ARL8B: variants seen among roughly 807,000 people sequenced by gnomAD.
ARL8B encodes the protein ADP-ribosylation factor-like protein 8B.
Under a neutral mutation model 30.6 loss-of-function variants are expected in ARL8B, and 9 were observed. The ratio of observed to expected loss-of-function variants is 0.29; its 90% CI spans 0.18 to 0.51. The LOEUF (loss-of-function observed/expected upper bound fraction) is 0.51, where lower values mean the gene tolerates loss of function less well. Ranked by LOEUF, ARL8B falls within the 20% of genes least tolerant of loss-of-function variation. ARL8B has a pLI of 0.97. For synonymous variants in ARL8B, 74 were observed against 76.0 expected, an observed-to-expected ratio of 0.97 and a Z score of 0.14; for missense variants, 130 against 227.2, an observed-to-expected ratio of 0.57 and a Z score of 2.75.
At chr3:5,151,536 A>G (rs947944812) in intron 1 of ARL8B, among the ~76,000 whole-genome samples, 2 of 152,182 alleles carry the variant, frequency 1.3e-5, no homozygotes, top group Non-Finnish European at 2.9e-5. Context: ...TTAGTTCAAC[A>G]TGTTTTTATT....
intron 1 of ARL8B, among the ~76,000 whole-genome samples, chr3:5,126,844 G>A (rs1037391838): frequency 6.6e-6 from 1 of 152,162 alleles, no homozygotes; most frequent in Non-Finnish European, 1.5e-5. Context: ...GTGCCTATAT[G>A]TGTAATGTAT....
intron 1 of ARL8B, among the ~76,000 whole-genome samples, chr3:5,144,569 T>C (rs756106955): frequency 5.9e-5 from 9 of 152,208 alleles, no homozygotes; most frequent in Non-Finnish European, 1.2e-4. Flanking sequence ...CATCAGGAAG[T>C]ACCCACTTCC....
chr3:5,141,148 C>T (rs541318141), intron 1 of ARL8B, among the ~76,000 whole-genome samples: 1 of 152,154 alleles, frequency 6.6e-6, no homozygotes. Flanking sequence ...AGGGGCTGAC[C>T]CCTCCTCTAC....
At chr3:5,126,929 C>T (rs764714920) in intron 1 of ARL8B, among the ~76,000 whole-genome samples, 2 of 151,942 alleles carry the variant, frequency 1.3e-5, no homozygotes, top group Non-Finnish European at 2.9e-5. Flanking sequence ...TAGGATTTGC[C>T]AAAATAATAT....
At chr3:5,129,336 A>G (rs539546224) in intron 1 of ARL8B, among the ~76,000 whole-genome samples, 2 of 152,212 alleles carry the variant, frequency 1.3e-5, no homozygotes, top group African/African-American at 4.8e-5. Context: ...CACCTCGCCC[A>G]GCTAATACTG....
At chr3:5,138,818 T>C (rs569990507) in intron 1 of ARL8B, among the ~76,000 whole-genome samples, 1 of 152,346 alleles carries the variant, frequency 6.6e-6, no homozygotes, top group African/African-American at 2.4e-5. Flanking sequence ...GAGTTGAGTT[T>C]CACTGTGAAA....
At chr3:5,141,180 C>A (rs948340992) in intron 1 of ARL8B, among the ~76,000 whole-genome samples, 1 of 152,154 alleles carries the variant, frequency 6.6e-6, no homozygotes, top group Admixed American at 6.5e-5. Context: ...TTATCATGAC[C>A]TTCTGGGTGC....
intron 6 of ARL8B, among the ~76,000 whole-genome samples, chr3:5,175,059 C>A (rs533927785): frequency 1.6e-4 from 25 of 152,006 alleles, no homozygotes; most frequent in African/African-American, 4.8e-5. Context: ...CCTCGGCCCC[C>A]CAAAGTGTTG....
intron 1 of ARL8B, among the ~76,000 whole-genome samples, chr3:5,127,116 T>A (rs2054237482): frequency 6.6e-6 from 1 of 152,228 alleles, no homozygotes; most frequent in Admixed American, 6.5e-5. Context: ...AATCATTTTT[T>A]AAAGAGTTTG....
At chr3:5,177,030 C>T (rs1032047210) in intron 6 of ARL8B, among the ~76,000 whole-genome samples, 41 of 152,248 alleles carry the variant, frequency 2.7e-4, no homozygotes, top group Admixed American at 2.0e-3. Flanking sequence ...CTACACTAAC[C>T]GTAATTTTTA....
At chr3:5,177,947 C>T (rs2054744375) in intron 6 of ARL8B, among the ~76,000 whole-genome samples, 1 of 152,126 alleles carries the variant, frequency 6.6e-6, no homozygotes. Flanking sequence ...TATAGCTCAG[C>T]CCTGTGGTGT....
rs538879668 is a variant in ARL8B at position 5,154,981 on chromosome 3, C to A, written c.124-15522C>A. On this transcript the variant is annotated intron_variant, in intron 1 of 6. Coordinates refer to ENST00000256496, the MANE Select transcript of ARL8B (RefSeq NM_018184.3). Reference sequence around the variant, plus strand: ...AACTCCTGACCTCAAGTGATCCTCCCACTTCAGCCTCCCAAAGTGCTGGGA... The same window carrying A: ...AACTCCTGACCTCAAGTGATCCTCCAACTTCAGCCTCCCAAAGTGCTGGGA... Among the ~76,000 whole-genome samples the A allele has an allele frequency of 5.3e-5, 8 of 152,306 alleles. No homozygotes were observed. The South Asian group carries it at 1.0e-3, about 20-fold the overall frequency.
intron 1 of ARL8B, among the ~76,000 whole-genome samples, chr3:5,147,385 G>A (rs1477899092): frequency 6.6e-6 from 1 of 152,166 alleles, no homozygotes; most frequent in Non-Finnish European, 1.5e-5. Flanking sequence ...ATTCCATGGT[G>A]TTCTTAATCC....
At chr3:5,140,747 A>G (rs2054366460) in intron 1 of ARL8B, among the ~76,000 whole-genome samples, 1 of 152,150 alleles carries the variant, frequency 6.6e-6, no homozygotes, top group Admixed American at 6.6e-5. Context: ...CTAGGCTATA[A>G]TAATTGTTCC....
intron 1 of ARL8B, among the ~76,000 whole-genome samples, chr3:5,156,515 CAA>C (rs1307319195): frequency 1.3e-5 from 2 of 152,078 alleles, no homozygotes; most frequent in Admixed American, 1.3e-4. Context: ...CTCCCAAGTT[CAA>C]GCGATACTCT....
intron 1 of ARL8B, 34 bp downstream of exon 1, chr3:5,122,622 C>T (rs1299646908): frequency 1.9e-6 from 3 of 1,575,320 alleles, no homozygotes; most frequent in South Asian, 2.3e-5. Flanking sequence ...CCCGGGGCTC[C>T]GCAGCCAGGA....
chr3:5,123,056 C>A (rs2106548671), intron 1 of ARL8B, among the ~76,000 whole-genome samples: 1 of 152,236 alleles, frequency 6.6e-6, no homozygotes, highest in African/African-American at 2.4e-5. Flanking sequence ...GACCAATAGA[C>A]CCATTGTGAA....
intron 1 of ARL8B, among the ~76,000 whole-genome samples, chr3:5,131,660 G>T (rs1281348742): frequency 6.6e-6 from 1 of 151,996 alleles, no homozygotes; most frequent in East Asian, 1.9e-4. Flanking sequence ...CAAAGTGCTG[G>T]GATTACAGGT....
chr3:5,177,074 C>T (rs1442770444), intron 6 of ARL8B, among the ~76,000 whole-genome samples: 2 of 152,114 alleles, frequency 1.3e-5, no homozygotes, highest in African/African-American at 4.8e-5. Context: ...CCATTACTCC[C>T]TACATGTTTT....
Sources: gnomAD v4.1 joint callset for allele counts (sites outside exome capture counted in the v4.1 genomes callset) on GRCh38, gnomAD v4.1.1 for gene constraint, MANE v1.5 for transcripts, NCBI Gene and HGNC (gene_info 2026-07-23, HGNC 2026-07-21) for gene names.